Variants in C15orf40 observed in about 807,000 individuals in gnomAD.
C15orf40 encodes the protein UPF0235 protein C15orf40.
A neutral mutation model predicts 13.9 loss-of-function variants in C15orf40; 9 were observed. That is an observed-to-expected ratio of 0.65 (90% CI 0.39 to 1.13). C15orf40 has a LOEUF of 1.13. Among genes scored for constraint, C15orf40 ranks in the 50% most tolerant of loss-of-function variants. The pLI is 0.01. For synonymous variants in C15orf40, 95 were observed against 69.2 expected, an observed-to-expected ratio of 1.37 and a Z score of -1.85; for missense variants, 225 against 188.5, an observed-to-expected ratio of 1.19 and a Z score of -1.13.
At chr15:83,007,437 C>G (rs780141925) in intron 3 of C15orf40, among the ~76,000 whole-genome samples, 14 of 152,066 alleles carry the variant, frequency 9.2e-5, no homozygotes, top group Non-Finnish European at 1.5e-4. Flanking sequence ...TGTGGATAGT[C>G]TCAGTAAGGA....
chr15:83,010,534 C>A (rs2031944439), intron 1 of C15orf40, 171 bp from the exon 2 acceptor site: 2 of 674,844 alleles, frequency 3.0e-6, no homozygotes, highest in Non-Finnish European at 4.9e-6. Flanking sequence ...AGGCTCTACT[C>A]AATTTTCCCA....
Position 83,001,398 on chromosome 15 carries a change from G to C in C15orf40, c.*4199C>G, listed in dbSNP as rs1741948321. ...ATTAAGGTGCGGGTGATAGATGACA[G>C]ATGCAGTGCTAGAACATCATATGTC... On this transcript the variant is annotated 3_prime_UTR_variant, in exon 4 of 4. Coordinates refer to ENST00000304177, the MANE Select transcript of C15orf40 (RefSeq NM_144597.3). 3 of 623,908 alleles carry C rather than the reference G, an allele frequency of 4.8e-6. No individual in the cohort carries two copies. Among genetic ancestry groups the C allele is most frequent in the South Asian group, 1.5e-4 (2 of 13,628 alleles). 38.6% of individuals were successfully genotyped at this position (623,908 alleles called of 1,614,324 possible). A position where few individuals can be genotyped will look rare whatever the true frequency, so the allele number is the denominator to read the frequency against.
downstream of C15orf40, among the ~76,000 whole-genome samples, chr15:82,993,193 TATAAAA>T (rs2151273291): frequency 6.6e-6 from 1 of 152,282 alleles, no homozygotes; most frequent in South Asian, 2.1e-4. Context: ...CTCACAGAAT[TATAAAA>T]ATAAATAATC....
chr15:83,001,088 C>T lies in C15orf40; in HGVS notation c.*4509G>A. 3 of 985,052 alleles carry T rather than the reference C, an allele frequency of 3.0e-6. No homozygotes were observed. The highest frequency in any genetic ancestry group is 3.5e-5 in the African/African-American group (2 of 57,378). 61.0% of individuals were successfully genotyped at this position (985,052 alleles called of 1,614,324 possible). Reference sequence around the variant, plus strand: ...TCAGCCTCCCAAAGTGCTGGGATTACAGGCATAAGCCACTGCACTGGCCTA... The same window carrying T: ...TCAGCCTCCCAAAGTGCTGGGATTATAGGCATAAGCCACTGCACTGGCCTA... On this transcript the variant is annotated 3_prime_UTR_variant, in exon 4 of 4. Coordinates refer to ENST00000304177, the MANE Select transcript of C15orf40 (RefSeq NM_144597.3).
rs528168969 is a variant in C15orf40 at position 83,000,132 on chromosome 15, C to G, written c.*5465G>C. 6.6e-6 allele frequency: 1 copy of G among 152,340 alleles called. No individual in the cohort carries two copies. Among genetic ancestry groups the G allele is most frequent in the African/African-American group, 2.4e-5 (1 of 41,540 alleles). The allele number at this position is 152,340 out of a possible 1,614,324, so 9.4% of individuals were successfully genotyped here. On this transcript the variant is annotated 3_prime_UTR_variant, in exon 4 of 4. Coordinates refer to ENST00000304177, the MANE Select transcript of C15orf40 (RefSeq NM_144597.3). The stretch of plus-strand genomic sequence containing the variant: ...CTCTGATTCCAGGCTCTCCAAGCAG[C>G]CTTCAAATGATGATTCTCTTAAAGA...
Position 83,005,943 on chromosome 15 carries a change from A to G in C15orf40, c.367-251T>C, listed in dbSNP as rs141456307. 2.6e-3 allele frequency among the ~76,000 whole-genome samples: 390 copies of G among 152,274 alleles called. 1 individual carries two copies. The highest frequency in any genetic ancestry group is 9.0e-3 in the African/African-American group (374 of 41,564). ...AATAAAAGCTGGACATTAAAATCTC[A>G]AAAATGGGCCAGGCGCGGTGGCTCA... On this transcript the variant is annotated intron_variant, in intron 3 of 3. Transcript: ENST00000304177.
rs771347862 is a variant in C15orf40, at chr15:83,008,679, G to C, written c.239-4C>G. The C allele has an allele frequency of 6.3e-7, 1 of 1,599,730 alleles. No individual in the cohort carries two copies. Among genetic ancestry groups the C allele is most frequent in the East Asian group, 2.2e-5 (1 of 44,722 alleles). On this transcript the variant is annotated splice_region_variant and splice_polypyrimidine_tract_variant and intron_variant, in intron 2 of 3. Coordinates refer to ENST00000304177, the MANE Select transcript of C15orf40 (RefSeq NM_144597.3). ...TTTACAGCCTCTGCTGTCAAATCTG[G>C]AATGAAAATAGTGTGGACTTTATCC...
chr15:82,998,103 C>T lies in C15orf40; in HGVS notation c.*7494G>A. The T allele has an allele frequency of 7.5e-6, 1 of 132,480 alleles. No homozygotes were observed. The highest frequency in any genetic ancestry group is 1.7e-5 in the Non-Finnish European group (1 of 60,250). The allele number at this position is 132,480 out of a possible 1,614,324, so 8.2% of individuals were successfully genotyped here. A position where few individuals can be genotyped will look rare whatever the true frequency, so the allele number is the denominator to read the frequency against. Reference sequence around the variant, plus strand: ...GGCCGGGCTGAGGGGCTCCTCACTTCCCAGTAGGGGCGGCCGGGCAGAGGC... The same window carrying T: ...GGCCGGGCTGAGGGGCTCCTCACTTTCCAGTAGGGGCGGCCGGGCAGAGGC... On this transcript the variant is annotated 3_prime_UTR_variant, in exon 4 of 4. Transcript: ENST00000304177.
Position 82,998,109 on chromosome 15 carries a change from A to AG in C15orf40, c.*7487dup. 1.1e-5 allele frequency: 1 copy of AG among 93,700 alleles called. No homozygotes were observed. The highest frequency in any genetic ancestry group is 2.2e-5 in the Non-Finnish European group (1 of 45,914). The allele number at this position is 93,700 out of a possible 1,614,324, so 5.8% of individuals were successfully genotyped here. A position where few individuals can be genotyped will look rare whatever the true frequency, so the allele number is the denominator to read the frequency against. On this transcript the variant is annotated 3_prime_UTR_variant, in exon 4 of 4. Coordinates refer to ENST00000304177, the MANE Select transcript of C15orf40 (RefSeq NM_144597.3). ...GCTGAGGGGCTCCTCACTTCCCAGT[A>AG]GGGGCGGCCGGGCAGAGGCGCCCCT...
In C15orf40 at chr15:83,004,403, C is replaced by A. The variant is rs10083713; in HGVS notation, c.*1194G>T. The stretch of plus-strand genomic sequence containing the variant: ...ACTGCAGATCAGCTCTCCTGATCAG[C>A]AAAGGAAATTAATTTTATTTTCTTT... On this transcript the variant is annotated 3_prime_UTR_variant, in exon 4 of 4. Coordinates refer to ENST00000304177, the MANE Select transcript of C15orf40 (RefSeq NM_144597.3). 3.3e-5 allele frequency: 32 copies of A among 970,696 alleles called. No individual in the cohort carries two copies. The African/African-American group carries it at 4.0e-4, about 12-fold the overall frequency. 60.1% of individuals were successfully genotyped at this position (970,696 alleles called of 1,614,324 possible).
Position 83,010,383 on chromosome 15 carries a change from A to G in C15orf40, c.112-20T>C, listed in dbSNP as rs964923721. On this transcript the variant is annotated intron_variant, in intron 1 of 3. Coordinates refer to ENST00000304177, the MANE Select transcript of C15orf40 (RefSeq NM_144597.3). ...TTTACCCTAAAATGACAACCACACA[A>G]CTTTACAGGTTACAAAATATTTTCC... 3.7e-6 allele frequency: 6 copies of G among 1,613,718 alleles called. No homozygotes were observed. Among genetic ancestry groups the G allele is most frequent in the Non-Finnish European group, 5.1e-6 (6 of 1,179,762 alleles).
rs57581394 is a variant in C15orf40 at position 82,994,913 on chromosome 15, A to G, written c.*10684T>C. The G allele has an allele frequency of 2.5e-3, 386 of 152,308 alleles. No homozygotes were observed. The highest frequency in any genetic ancestry group is 8.5e-3 in the African/African-American group (353 of 41,576). 9.4% of individuals were successfully genotyped at this position (152,308 alleles called of 1,614,324 possible). On this transcript the variant is annotated 3_prime_UTR_variant, in exon 4 of 4. Transcript: ENST00000304177. The stretch of plus-strand genomic sequence containing the variant: ...TGATTTAAGCCCAGTAGCAGAAAAT[A>G]CTCTTGACATTGGCAGAAGTGAATA...
rs993836416 is a variant in C15orf40, at chr15:83,004,340, A to G, written c.*1257T>C. The stretch of plus-strand genomic sequence containing the variant: ...TTGTTTTTAATGATTTGGTCCATCA[A>G]TACATCTTTCTCATGTACTTGCTGG... On this transcript the variant is annotated 3_prime_UTR_variant, in exon 4 of 4. Coordinates refer to ENST00000304177, the MANE Select transcript of C15orf40 (RefSeq NM_144597.3). 6.1e-6 allele frequency: 6 copies of G among 985,282 alleles called. No homozygotes were observed. The highest frequency in any genetic ancestry group is 6.0e-6 in the Non-Finnish European group (5 of 829,936). The allele number at this position is 985,282 out of a possible 1,614,324, so 61.0% of individuals were successfully genotyped here. A position where few individuals can be genotyped will look rare whatever the true frequency, so the allele number is the denominator to read the frequency against.
At position 83,011,570 on chromosome 15, in the gene C15orf40, G is replaced by C. The variant is rs765560365; in HGVS notation, c.38C>G (p.Ala13Gly). Residue 13 changes from alanine to glycine, a missense_variant, in exon 1 of 4, where the codon GCA becomes GGA. Coordinates refer to ENST00000304177, the MANE Select transcript of C15orf40 (RefSeq NM_144597.3). ...RLRSGLRHLR[A>G]TPNTRGSARL... is the part of the protein sequence containing the mutation. ...AGCGGAGCCCCGAGTATTGGGTGTT[G>C]CCCGAAGGTGCCTCAGCCCGCTGCG... The C allele has an allele frequency of 1.2e-6, 2 of 1,603,420 alleles. No homozygotes were observed. Among genetic ancestry groups the C allele is most frequent in the South Asian group, 1.1e-5 (1 of 90,802 alleles).
downstream of C15orf40, chr15:82,990,758 A>C: frequency 1.0e-6 from 1 of 954,314 alleles, no homozygotes; most frequent in Non-Finnish European, 1.6e-6. Context: ...CTTTTTGCTA[A>C]CAACATAGCA....
chr15:82,994,210 A>C (rs2030964849), downstream of C15orf40, among the ~76,000 whole-genome samples: 1 of 152,248 alleles, frequency 6.6e-6, no homozygotes, highest in African/African-American at 2.4e-5. Context: ...TAAGGGTAAT[A>C]AAATGTCAGC....
rs964287477 is a variant in C15orf40, at chr15:83,000,129, C to T, written c.*5468G>A. The T allele has an allele frequency of 6.6e-6, 1 of 152,286 alleles. No individual in the cohort carries two copies. Among genetic ancestry groups the T allele is most frequent in the Non-Finnish European group, 1.5e-5 (1 of 68,108 alleles). 9.4% of individuals were successfully genotyped at this position (152,286 alleles called of 1,614,324 possible). A position where few individuals can be genotyped will look rare whatever the true frequency, so the allele number is the denominator to read the frequency against. On this transcript the variant is annotated 3_prime_UTR_variant, in exon 4 of 4. Coordinates refer to ENST00000304177, the MANE Select transcript of C15orf40 (RefSeq NM_144597.3). ...TGGCTCTGATTCCAGGCTCTCCAAG[C>T]AGCCTTCAAATGATGATTCTCTTAA...
At chr15:82,992,919 A>G (rs1191718284), downstream of C15orf40, among the ~76,000 whole-genome samples, 1 of 152,272 alleles carries the variant, frequency 6.6e-6, no homozygotes, top group East Asian at 1.9e-4. Flanking sequence ...AAAACCAGGA[A>G]GAAATAAAAG....
chr15:82,992,384 C>T (rs982064663), downstream of C15orf40, among the ~76,000 whole-genome samples: 2 of 152,014 alleles, frequency 1.3e-5, no homozygotes, highest in Non-Finnish European at 2.9e-5. Context: ...GGCATGGTGG[C>T]GGATGCCTGT....
Sources: allele counts gnomAD v4.1 joint callset (sites outside exome capture counted in the v4.1 genomes callset), GRCh38; gene constraint gnomAD v4.1.1; transcripts MANE v1.5; gene names NCBI Gene and HGNC (gene_info 2026-07-23, HGNC 2026-07-21).